The following TSC2 variants were observed in gnomAD, a reference collection of about 807,000 sequenced individuals.
TSC2 encodes tuberin.
In TSC2, 29 loss-of-function variants were observed where a neutral mutation model predicts 202.2. That is an observed-to-expected ratio of 0.14 (90% CI 0.11 to 0.20). The LOEUF is 0.20. TSC2 is among the 10% of genes least tolerant of loss of function. The pLI, the probability that TSC2 is intolerant of heterozygous loss-of-function variation, is 1.00. For synonymous variants in TSC2, 1,349 were observed against 1,044.0 expected, an observed-to-expected ratio of 1.29 and a Z score of -5.63; for missense variants, 2,429 against 2,420.0, an observed-to-expected ratio of 1.00 and a Z score of -0.08.
At chr16:2,087,490 G>GA (rs2090976073) in intron 38 of TSC2, among the ~76,000 whole-genome samples, 1 of 151,644 alleles carries the variant, frequency 6.6e-6, no homozygotes, top group Non-Finnish European at 1.5e-5. Context: ...CCAGTTGGGG[G>GA]GGGGGGGGCA....
chr16:2,048,788 G>A (rs1430840922), intron 2 of TSC2, 35 bp downstream of exon 2: 1 of 1,613,742 alleles, frequency 6.2e-7, no homozygotes, highest in Non-Finnish European at 8.5e-7. Flanking sequence ...CTAGGCTAGA[G>A]GGAAATGCAG....
intron 4 of TSC2, 38 bp downstream of exon 4, chr16:2,053,490 G>A (rs1288777696): frequency 6.5e-7 from 1 of 1,530,896 alleles, no homozygotes. Flanking sequence ...GTGACGTCAG[G>A]CTGCCCACTG....
chr16:2,057,037 A>C, intron 8 of TSC2, 68 bp from the exon 9 acceptor site: 1 of 1,540,570 alleles, frequency 6.5e-7, no homozygotes. Flanking sequence ...AGGCGGGGCC[A>C]GCAGCGGGAC....
At chr16:2,065,669 G>C in intron 16 of TSC2, 34 bp downstream of exon 16, 2 of 1,575,012 alleles carry the variant, frequency 1.3e-6, no homozygotes, top group South Asian at 2.2e-5. Context: ...TGCTCCCGGG[G>C]CGCGCATGGC....
intron 31 of TSC2, 114 bp from the exon 32 acceptor site, chr16:2,082,322 C>A: frequency 1.6e-6 from 2 of 1,283,896 alleles, no homozygotes; most frequent in Non-Finnish European, 2.2e-6. Flanking sequence ...CGCGCCCCTG[C>A]CGGCCGCTGG....
intron 4 of TSC2, 30 bp from the exon 5 acceptor site, chr16:2,054,266 C>CTCTGCTGA: frequency 6.2e-7 from 1 of 1,614,026 alleles, no homozygotes; most frequent in Non-Finnish European, 8.5e-7. Flanking sequence ...CGCTGGCAGG[C>CTCTGCTGA]TCTGCTGATC....
intron 1 of TSC2, 125 bp downstream of exon 1, chr16:2,048,190 C>T: frequency 1.3e-6 from 2 of 1,533,988 alleles, no homozygotes; most frequent in Non-Finnish European, 1.8e-6. Flanking sequence ...TCCGGAGCTC[C>T]GAGCATCCCT....
chr16:2,083,344 C>T (rs2090366749), intron 32 of TSC2: 1 of 466,736 alleles, frequency 2.1e-6, no homozygotes, highest in Non-Finnish European at 4.2e-6. Context: ...GTTACGAGGG[C>T]TGGTTTCAGG....
In TSC2 at chr16:2,062,075, A is replaced by G. The variant is rs112531887; in HGVS notation, c.1257+67A>G. 2.6e-5 allele frequency: 42 copies of G among 1,605,062 alleles called. 1 individual carries two copies. The highest frequency in any genetic ancestry group is 2.4e-4 in the African/African-American group (18 of 74,868). On this transcript the variant is annotated intron_variant, in intron 12 of 41. Transcript: ENST00000219476. ...TGGGGAGGGGCCGGGTGCTGGGTGA[A>G]GTGCAGCTTTCTGAGCCTCAGAAGC...
chr16:2,062,950 C>T, intron 13 of TSC2, 22 bp from the exon 14 acceptor site: 1 of 1,548,120 alleles, frequency 6.5e-7, no homozygotes, highest in Non-Finnish European at 8.7e-7. Flanking sequence ...CCCACCCGCC[C>T]CAGCAGGCTG....
chr16:2,074,062 C>G, intron 21 of TSC2, 138 bp from the exon 22 acceptor site: 1 of 1,115,816 alleles, frequency 9.0e-7, no homozygotes, highest in Non-Finnish European at 1.3e-6. Flanking sequence ...CTCAGCACTG[C>G]TGGCTCTGCC....
intron 16 of TSC2, 37 bp from the exon 17 acceptor site, chr16:2,070,419 C>T (rs2088106492): frequency 6.2e-7 from 1 of 1,613,178 alleles, no homozygotes; most frequent in Non-Finnish European, 8.5e-7. Flanking sequence ...GCGTTTTCAC[C>T]TCCTGCGCCG....
In TSC2 at chr16:2,055,493, C is replaced by G. The variant is rs397515059; in HGVS notation, c.573C>G (p.Leu191=). 1.2e-6 allele frequency: 2 copies of G among 1,614,126 alleles called. No individual in the cohort carries two copies. Among genetic ancestry groups the G allele is most frequent in the East Asian group, 2.2e-5 (1 of 44,888 alleles). The change falls in exon 6 of 42, where the codon CTC becomes CTG. Residue 191 remains leucine (L), a synonymous_variant. Transcript: ENST00000219476. ...TGGTCAAATTCAATAGCTGTTACCT[C>G]GACGAGTACATCGCAAGGATGGTTC... The part of the protein sequence containing the change: ...VNLVKFNSCY[L]DEYIARMVQM...
chr16:2,050,122 A>AT (rs1567385838), intron 2 of TSC2, among the ~76,000 whole-genome samples: 1 of 151,590 alleles, frequency 6.6e-6, no homozygotes, highest in East Asian at 2.0e-4. Context: ...CGCCCAGCAA[A>AT]TTTTTTGTAT....
intron 26 of TSC2, chr16:2,078,584 C>CGG: frequency 3.5e-6 from 1 of 281,912 alleles, no homozygotes. Context: ...GTGTGGAGCT[C>CGG]AGGCAGCCGC....
chr16:2,081,203 A>C, intron 30 of TSC2: 1 of 348,772 alleles, frequency 2.9e-6, no homozygotes, highest in East Asian at 7.1e-5. Flanking sequence ...TCCCAGGGGC[A>C]GAGGGAGCCC....
chr16:2,062,383 A>G, intron 12 of TSC2, 114 bp from the exon 13 acceptor site: 1 of 993,770 alleles, frequency 1.0e-6, no homozygotes, highest in Non-Finnish European at 1.5e-6. Flanking sequence ...TGTGGGCTGC[A>G]GGCTGTGAGG....
rs1022861481 is a variant in TSC2, at chr16:2,088,860, C to T, written c.*250C>T. The T allele has an allele frequency of 3.6e-6, 2 of 555,230 alleles. No individual in the cohort carries two copies. Among genetic ancestry groups the T allele is most frequent in the African/African-American group, 2.1e-5 (1 of 47,600 alleles). The allele number at this position is 555,230 out of a possible 1,614,324, so 34.4% of individuals were successfully genotyped here. ...CCTTGAGGCTGCCTGGGCCATACAGCACACTCGCGCGTGCGCGCGCGCACA... is the reference window on the plus strand; with the variant it reads ...CCTTGAGGCTGCCTGGGCCATACAGTACACTCGCGCGTGCGCGCGCGCACA... On this transcript the variant is annotated 3_prime_UTR_variant, in exon 42 of 42. Coordinates refer to ENST00000219476, the MANE Select transcript of TSC2 (RefSeq NM_000548.5).
rs137854268 is a variant in TSC2 at position 2,081,647 on chromosome 16, G to A, written c.3663G>A (p.Ser1221=). The A allele has an allele frequency of 2.7e-5, 43 of 1,612,824 alleles. No homozygotes were observed. The highest frequency in any genetic ancestry group is 3.4e-5 in the Non-Finnish European group (40 of 1,180,024). ...AGAACCCGCTCAGCCCTTTCTCCTC[G>A]GACATCAACAACATGCCCCTGCAGG... ...SLENPLSPFS[S]DINNMPLQEL... The change falls in exon 31 of 42, where the codon TCG becomes TCA. Residue 1221 remains serine (S), a synonymous_variant. Coordinates refer to ENST00000219476, the MANE Select transcript of TSC2 (RefSeq NM_000548.5).
Sources: allele counts gnomAD v4.1 joint callset (sites outside exome capture counted in the v4.1 genomes callset), GRCh38; gene constraint gnomAD v4.1.1; transcripts MANE v1.5; gene names NCBI Gene and HGNC (gene_info 2026-07-23, HGNC 2026-07-21).